PEBP1: variants seen among roughly 807,000 people sequenced by gnomAD.
PEBP1 encodes phosphatidylethanolamine binding protein 1.
A neutral mutation model predicts 22.7 loss-of-function variants in PEBP1; 17 were observed. The observed-to-expected ratio is 0.75, with a 90% CI of 0.51 to 1.12. The LOEUF is 1.12. Ranked by LOEUF, PEBP1 falls within the 50% of genes most tolerant of loss-of-function variation. The pLI is 0.00. For synonymous variants in PEBP1, 106 were observed against 104.3 expected (o/e 1.02, Z -0.10); for missense variants, 205 against 243.5 (o/e 0.84, Z 1.05).
rs370646691 is a variant in PEBP1 at position 118,144,832 on chromosome 12, T to C, written c.*29T>C. ...GTTAGCTTGGGGACCTGAACTGTCC[T>C]GGAGGCCCCAAGCCATGTTCCCCAG... On this transcript the variant is annotated 3_prime_UTR_variant, in exon 4 of 4. Coordinates refer to ENST00000261313, the MANE Select transcript of PEBP1 (RefSeq NM_002567.4). The C allele has an allele frequency of 3.7e-6, 6 of 1,613,128 alleles. No homozygotes were observed. The African/African-American group carries it at 5.3e-5, about 14-fold the overall frequency.
At chr12:118,141,268 C>G (rs1036756432) in intron 3 of PEBP1, among the ~76,000 whole-genome samples, 1 of 152,130 alleles carries the variant, frequency 6.6e-6, no homozygotes, top group Admixed American at 6.5e-5. Flanking sequence ...AGGCGCCCAC[C>G]ACCACGCCCA....
chr12:118,139,346 G>T, intron 2 of PEBP1, 105 bp from the exon 3 acceptor site: 1 of 753,354 alleles, frequency 1.3e-6, no homozygotes, highest in Non-Finnish European at 2.4e-6. Flanking sequence ...TGTTGTTCGT[G>T]GCTGTGTTGT....
rs373466968 is a variant in PEBP1 at position 118,144,782 on chromosome 12, C to T, written c.543C>T (p.Tyr181=). 102 of 1,613,902 alleles carry T rather than the reference C, an allele frequency of 6.3e-5. No homozygotes were observed. The East Asian group carries it at 1.5e-3, about 24-fold the overall frequency. ...AEWDDYVPKL[Y]EQLSGK ...GGGATGACTATGTGCCCAAACTGTA[C>T]GAGCAGCTGTCTGGGAAGTAGGGGG... The change falls in exon 4 of 4, where the codon TAC becomes TAT. Residue 181 remains tyrosine, a synonymous_variant. Coordinates refer to ENST00000261313, the MANE Select transcript of PEBP1 (RefSeq NM_002567.4).
chr12:118,143,107 C>A (rs551853666), intron 3 of PEBP1, among the ~76,000 whole-genome samples: 1 of 152,212 alleles, frequency 6.6e-6, no homozygotes, highest in African/African-American at 2.4e-5. Context: ...CCACCTTGGC[C>A]TCCCAAAGTC....
Position 118,136,467 on chromosome 12 carries a change from G to C in PEBP1, c.135+123G>C. On this transcript the variant is annotated intron_variant, in intron 1 of 3. Transcript: ENST00000261313. The surrounding 1 kb of genome is among the most constrained non-coding windows in gnomAD (Gnocchi z 5.6). ...GGAGGTTCAGCCTGCGTGTGTCGAG[G>C]CCCCCCCAGGCCAGAGGTCCCGGGG... The C allele has an allele frequency of 8.5e-7, 1 of 1,180,410 alleles. No individual in the cohort carries two copies. Among genetic ancestry groups the C allele is most frequent in the Non-Finnish European group, 1.1e-6 (1 of 872,968 alleles). 73.1% of individuals were successfully genotyped at this position (1,180,410 alleles called of 1,614,324 possible). A position where few individuals can be genotyped will look rare whatever the true frequency, so the allele number is the denominator to read the frequency against.
intron 3 of PEBP1, among the ~76,000 whole-genome samples, 158 bp from the exon 4 acceptor site, chr12:118,144,428 T>G (rs2034138620): frequency 6.6e-6 from 1 of 152,138 alleles, no homozygotes; most frequent in South Asian, 2.1e-4. Context: ...TGCCATTAAA[T>G]GTTAATTTGC....
At chr12:118,141,984 C>T (rs2034117588) in intron 3 of PEBP1, among the ~76,000 whole-genome samples, 1 of 151,980 alleles carries the variant, frequency 6.6e-6, no homozygotes, top group African/African-American at 2.4e-5. Context: ...TTTGTTTAAA[C>T]TTCTGTGTAT....
chr12:118,145,159 AG>A lies in PEBP1; in HGVS notation c.*359del. ...AGAGCAAAGCATCAAAGAATCTTTA[AG>A]GGAGGTTTAAAAAAAAAAAAAAAAA... On this transcript the variant is annotated 3_prime_UTR_variant, in exon 4 of 4. Transcript: ENST00000261313. 1 of 351,408 alleles carries A rather than the reference AG, an allele frequency of 2.8e-6. No individual in the cohort carries two copies. The highest frequency in any genetic ancestry group is 5.2e-6 in the Non-Finnish European group (1 of 194,134). 21.8% of individuals were successfully genotyped at this position (351,408 alleles called of 1,614,324 possible).
At chr12:118,137,570 C>T (rs1234748208) in intron 1 of PEBP1, among the ~76,000 whole-genome samples, 1 of 152,058 alleles carries the variant, frequency 6.6e-6, no homozygotes, top group East Asian at 1.9e-4. Flanking sequence ...AAATACATAA[C>T]GTATATAAAA....
In PEBP1 at chr12:118,138,166, C is replaced by G. The variant is rs201510735; in HGVS notation, c.245+18C>G. 1.3e-6 allele frequency: 2 copies of G among 1,512,422 alleles called. No homozygotes were observed. The highest frequency in any genetic ancestry group is 2.3e-5 in the East Asian group (1 of 44,378). 93.7% of individuals were successfully genotyped at this position (1,512,422 alleles called of 1,614,324 possible). A position where few individuals can be genotyped will look rare whatever the true frequency, so the allele number is the denominator to read the frequency against. ...AAATACAGGTGAGAGGTGAGAAAGA[C>G]GAGAAGAGCAGGTCATGCAGAGATG... On this transcript the variant is annotated intron_variant, in intron 2 of 3. Coordinates refer to ENST00000261313, the MANE Select transcript of PEBP1 (RefSeq NM_002567.4).
rs1592925923 is a variant in PEBP1, at chr12:118,136,506, C to T, written c.135+162C>T. Among the ~76,000 whole-genome samples, 1 of 152,224 alleles carries T rather than the reference C, an allele frequency of 6.6e-6. No homozygotes were observed. Among genetic ancestry groups the T allele is most frequent in the Non-Finnish European group, 1.5e-5 (1 of 68,034 alleles). On this transcript the variant is annotated intron_variant, in intron 1 of 3. Transcript: ENST00000261313. This position sits in a 1 kb window ranked among gnomAD's most constrained non-coding sequence, Gnocchi z 5.6. ...GAGGTCCCGGGGTCCATGTCCCATG[C>T]CTGGGGGCCACCCCGAGCACCGGGA...
rs1189644875 is a variant in PEBP1, at chr12:118,145,002, G to T, written c.*199G>T. The T allele has an allele frequency of 6.6e-7, 1 of 1,512,522 alleles. No individual in the cohort carries two copies. Among genetic ancestry groups the T allele is most frequent in the South Asian group, 1.2e-5 (1 of 83,004 alleles). The allele number at this position is 1,512,522 out of a possible 1,614,324, so 93.7% of individuals were successfully genotyped here. A position where few individuals can be genotyped will look rare whatever the true frequency, so the allele number is the denominator to read the frequency against. ...ACTCACTCACTCTGATTTATGTTTT[G>T]ATCAAATTTGAACTTCATTTTGGGG... is the stretch of plus-strand genomic sequence containing the variant. On this transcript the variant is annotated 3_prime_UTR_variant, in exon 4 of 4. Transcript: ENST00000261313.
At position 118,139,511 on chromosome 12, in the gene PEBP1, C is replaced by T. The variant is rs550832578; in HGVS notation, c.306C>T (p.Val102=). ...GCAATGACATCAGCAGTGGCACAGT[C>T]CTCTCCGATTATGTGGGCTCGGGGC... is the stretch of plus-strand genomic sequence containing the variant. ...MKGNDISSGT[V]LSDYVGSGPP... is the part of the protein sequence containing the mutation. Residue 102 remains valine (V), a synonymous_variant, in exon 3 of 4, where the codon GTC becomes GTT. Coordinates refer to ENST00000261313, the MANE Select transcript of PEBP1 (RefSeq NM_002567.4). 6.2e-7 allele frequency: 1 copy of T among 1,613,450 alleles called. No individual in the cohort carries two copies. The highest frequency in any genetic ancestry group is 1.7e-5 in the Admixed American group (1 of 59,966).
At chr12:118,138,383 T>C (rs577472169) in intron 2 of PEBP1, among the ~76,000 whole-genome samples, 1 of 152,200 alleles carries the variant, frequency 6.6e-6, no homozygotes, top group Admixed American at 6.6e-5. Flanking sequence ...AAGAATGGTT[T>C]TTACATTTTT....
chr12:118,143,871 C>A (rs1418392268), intron 3 of PEBP1, among the ~76,000 whole-genome samples: 1 of 149,366 alleles, frequency 6.7e-6, no homozygotes, highest in African/African-American at 2.5e-5. Flanking sequence ...TGCCACTGCA[C>A]TCCACGCCTA....
rs1362826254 is a variant in PEBP1 at position 118,136,225 on chromosome 12, A to G, written c.16A>G (p.Ser6Gly). The G allele has an allele frequency of 3.2e-6, 5 of 1,546,482 alleles. No homozygotes were observed. The highest frequency in any genetic ancestry group is 4.4e-6 in the Non-Finnish European group (5 of 1,146,502). ...TGGCCTCGCCATGCCGGTGGACCTC[A>G]GCAAGTGGTCCGGGCCCTTGAGCCT... MPVDL[S>G]KWSGPLSLQE... is the part of the protein sequence containing the mutation. The change falls in exon 1 of 4, where the codon AGC becomes GGC. Residue 6 changes from serine to glycine, a missense_variant. By Grantham distance (56) the Ser-to-Gly change is moderately conservative. Coordinates refer to ENST00000261313, the MANE Select transcript of PEBP1 (RefSeq NM_002567.4). This position sits in a 1 kb window ranked among gnomAD's most constrained non-coding sequence, Gnocchi z 5.6.
chr12:118,144,630 C>T lies in PEBP1; in HGVS notation c.391C>T (p.Leu131=). Residue 131 remains leucine, a synonymous_variant, in exon 4 of 4, where the codon CTA becomes TTA. Transcript: ENST00000261313. The stretch of plus-strand genomic sequence containing the variant: ...GCTGGTTTACGAGCAGGACAGGCCG[C>T]TAAAGTGTGACGAGCCCATCCTCAG... ...VWLVYEQDRP[L]KCDEPILSNR... The T allele has an allele frequency of 6.2e-7, 1 of 1,614,052 alleles. No homozygotes were observed.
At chr12:118,140,972 A>C (rs2034108888) in intron 3 of PEBP1, among the ~76,000 whole-genome samples, 1 of 152,112 alleles carries the variant, frequency 6.6e-6, no homozygotes, top group Non-Finnish European at 1.5e-5. Flanking sequence ...AAATGTGATC[A>C]ATGCATACAC....
chr12:118,138,044 G>T lies in PEBP1; in HGVS notation c.141G>T (p.Lys47Asn). The T allele has an allele frequency of 1.2e-6, 2 of 1,612,010 alleles. No individual in the cohort carries two copies. Among genetic ancestry groups the T allele is most frequent in the Non-Finnish European group, 8.5e-7 (1 of 1,178,576 alleles). ...AAACTGGTTCCTTCATACAGGTTAA[G>T]AATAGACCCACCAGCATTTCGTGGG... ...LGKVLTPTQV[K>N]NRPTSISWDG... The change falls in exon 2 of 4, where the codon AAG (lysine) becomes AAT (asparagine). Residue 47 changes from lysine (K) to asparagine (N), a missense_variant. Lys to Asn is a moderately conservative substitution (Grantham distance 94). Coordinates refer to ENST00000261313, the MANE Select transcript of PEBP1 (RefSeq NM_002567.4).
Sources: allele counts gnomAD v4.1 joint callset (sites outside exome capture counted in the v4.1 genomes callset), GRCh38; gene constraint gnomAD v4.1.1; non-coding constraint Gnocchi (gnomAD v3.1); transcripts MANE v1.5; gene names NCBI Gene and HGNC (gene_info 2026-07-23, HGNC 2026-07-21).